FSTL4: variants seen among roughly 807,000 people sequenced by gnomAD.
The protein encoded by FSTL4 is follistatin-related protein 4.
In FSTL4, 28 loss-of-function variants were observed where a neutral mutation model predicts 78.2. The ratio of observed to expected loss-of-function variants is 0.36; its 90% confidence interval spans 0.27 to 0.49. The LOEUF is 0.49. Ranked by LOEUF, FSTL4 falls within the 20% of genes least tolerant of loss-of-function variation. The pLI is 0.98. For synonymous variants in FSTL4, 422 were observed against 440.5 expected (o/e 0.96, Z 0.53); for missense variants, 922 against 1,084.9 (o/e 0.85, Z 2.11).
intron 8 of FSTL4, among the ~76,000 whole-genome samples, chr5:133,232,793 G>C (rs560588747): frequency 1.3e-5 from 2 of 152,276 alleles, no homozygotes; most frequent in African/African-American, 4.8e-5. Context: ...GACTGACCAA[G>C]GCAAGTGCTG....
At chr5:133,712,459 G>A in the FSTL4 span, among the ~76,000 whole-genome samples, 1 of 152,268 alleles carries the variant, frequency 6.6e-6, no homozygotes, top group Middle Eastern at 3.4e-3. Context: ...GGTTGACTGG[G>A]TTCAAATCCT....
the FSTL4 span, among the ~76,000 whole-genome samples, chr5:133,663,350 A>G: frequency 4.6e-5 from 7 of 152,254 alleles, no homozygotes; most frequent in African/African-American, 1.7e-4. Flanking sequence ...GGGAGGTTTC[A>G]TGAAGGGAAC....
At chr5:133,793,335 G>A in the FSTL4 span, among the ~76,000 whole-genome samples, 1 of 152,234 alleles carries the variant, frequency 6.6e-6, no homozygotes, top group Non-Finnish European at 1.5e-5. Flanking sequence ...CATCCCCTCT[G>A]CCTGCTGCTG....
chr5:133,314,248 C>A (rs1753850550), intron 5 of FSTL4, among the ~76,000 whole-genome samples: 1 of 152,366 alleles, frequency 6.6e-6, no homozygotes, highest in South Asian at 2.1e-4. Context: ...GCCTGAGTCA[C>A]CTGCAGGTCC....
the FSTL4 span, among the ~76,000 whole-genome samples, chr5:133,724,437 T>C: frequency 6.8e-6 from 1 of 146,198 alleles, no homozygotes; most frequent in Non-Finnish European, 1.5e-5. Flanking sequence ...TCCAGAGCTC[T>C]CCTTCAGTCC....
the FSTL4 span, among the ~76,000 whole-genome samples, chr5:133,798,606 G>T: frequency 2.0e-5 from 3 of 151,956 alleles, no homozygotes; most frequent in South Asian, 2.1e-4. Flanking sequence ...CTGGGCTCCC[G>T]CTTCTCTCCC....
the FSTL4 span, among the ~76,000 whole-genome samples, chr5:133,841,110 G>A: frequency 6.6e-6 from 1 of 152,202 alleles, no homozygotes; most frequent in African/African-American, 2.4e-5. Flanking sequence ...GCAATTCCTG[G>A]CTGTGTCCAC....
intron 3 of FSTL4, among the ~76,000 whole-genome samples, chr5:133,477,097 CTAT>C (rs1757939681): frequency 6.6e-6 from 1 of 152,126 alleles, no homozygotes; most frequent in African/African-American, 2.4e-5. Context: ...CAAACTAATA[CTAT>C]TGACATGAAG....
the FSTL4 span, among the ~76,000 whole-genome samples, chr5:133,783,936 AT>A: frequency 1.3e-5 from 2 of 151,376 alleles, no homozygotes; most frequent in African/African-American, 4.9e-5. Flanking sequence ...AGGAGTTAGA[AT>A]TCCTACCACA....
At chr5:133,656,216 G>A in the FSTL4 span, among the ~76,000 whole-genome samples, 3 of 152,198 alleles carry the variant, frequency 2.0e-5, no homozygotes, top group African/African-American at 7.2e-5. Flanking sequence ...CAAGGACTGT[G>A]TTGTCAAGCA....
intron 3 of FSTL4, among the ~76,000 whole-genome samples, chr5:133,448,629 T>C (rs1224926986): frequency 6.7e-6 from 1 of 148,244 alleles, no homozygotes; most frequent in African/African-American, 2.5e-5. Context: ...ATGACACCAT[T>C]GGGAACACAC....
At chr5:133,453,994 C>G (rs1384345699) in intron 3 of FSTL4, among the ~76,000 whole-genome samples, 1 of 152,172 alleles carries the variant, frequency 6.6e-6, no homozygotes, top group African/African-American at 2.4e-5. Flanking sequence ...ATATAAATAT[C>G]ACATTTCCTC....
chr5:133,764,331 T>C, the FSTL4 span, among the ~76,000 whole-genome samples: 1 of 152,134 alleles, frequency 6.6e-6, no homozygotes, highest in South Asian at 2.1e-4. Context: ...TGTGGCCATT[T>C]TCTTCTTTCA....
chr5:133,340,482 TA>T (rs1369039624), intron 4 of FSTL4, among the ~76,000 whole-genome samples: 1 of 152,146 alleles, frequency 6.6e-6, no homozygotes, highest in Non-Finnish European at 1.5e-5. Flanking sequence ...AATGGAAACA[TA>T]AATTGTCCTG....
intron 1 of FSTL4, among the ~76,000 whole-genome samples, chr5:133,607,982 G>A (rs778892957): frequency 8.5e-5 from 13 of 152,148 alleles, no homozygotes; most frequent in Middle Eastern, 6.3e-3. Context: ...CTCAGCTCAC[G>A]GAGAGCACCA....
At chr5:133,704,907 G>A in the FSTL4 span, among the ~76,000 whole-genome samples, 2 of 152,220 alleles carry the variant, frequency 1.3e-5, no homozygotes, top group Non-Finnish European at 2.9e-5. Flanking sequence ...TCTGTGATAT[G>A]GAAACATGAA....
At chr5:133,827,346 G>T in the FSTL4 span, among the ~76,000 whole-genome samples, 1 of 152,168 alleles carries the variant, frequency 6.6e-6, no homozygotes, top group African/African-American at 2.4e-5. Flanking sequence ...CAGCAGCGGG[G>T]CGATCAACTG....
intron 3 of FSTL4, among the ~76,000 whole-genome samples, chr5:133,526,082 A>G (rs1197603623): frequency 6.6e-6 from 1 of 152,218 alleles, no homozygotes; most frequent in Non-Finnish European, 1.5e-5. Context: ...CGACTTTAAC[A>G]GATGAACAGC....
At chr5:133,241,774 C>G (rs1426540432) in intron 7 of FSTL4, among the ~76,000 whole-genome samples, 1 of 152,190 alleles carries the variant, frequency 6.6e-6, no homozygotes, top group Non-Finnish European at 1.5e-5. Context: ...ACCTGCAACC[C>G]TCTTCCTGGG....
Sources: gnomAD v4.1 joint callset for allele counts (sites outside exome capture counted in the v4.1 genomes callset) on GRCh38, gnomAD v4.1.1 for gene constraint, MANE v1.5 for transcripts, NCBI Gene and HGNC (gene_info 2026-07-23, HGNC 2026-07-21) for gene names.